Variants in DOCK1 observed in about 807,000 individuals in gnomAD.
DOCK1 encodes the protein dedicator of cytokinesis 1, also known as dedicator of cytokinesis protein 1.
DOCK1 carries 138 observed loss-of-function variants against 262.7 expected under a neutral mutation model. That is an observed-to-expected ratio of 0.53 (90% CI 0.46 to 0.61). The LOEUF (loss-of-function observed/expected upper bound fraction) is 0.61, where lower values mean the gene tolerates loss of function less well. Ranked by LOEUF, DOCK1 falls within the 20% of genes least tolerant of loss-of-function variation. The pLI, the probability that DOCK1 is intolerant of heterozygous loss-of-function variation, is 0.00. For missense variants in DOCK1, 1,908 were observed against 2,370.7 expected, an observed-to-expected ratio of 0.80 and a Z score of 4.05; for synonymous variants, 866 against 867.4, an observed-to-expected ratio of 1.00 and a Z score of 0.03.
intron 33 of DOCK1, among the ~76,000 whole-genome samples, chr10:127,370,391 C>T (rs2065143388): frequency 6.6e-6 from 1 of 152,144 alleles, no homozygotes; most frequent in Non-Finnish European, 1.5e-5. Context: ...ACCTTTCCAC[C>T]CTGGCCCAGC....
intron 23 of DOCK1, among the ~76,000 whole-genome samples, chr10:127,073,690 G>A (rs192267454): frequency 3.3e-4 from 50 of 152,294 alleles, no homozygotes; most frequent in Non-Finnish European, 5.7e-4. Context: ...CAGAACCATC[G>A]TTAACCTTCT....
At chr10:127,214,290 T>G (rs1038041855) in intron 27 of DOCK1, among the ~76,000 whole-genome samples, 11 of 152,212 alleles carry the variant, frequency 7.2e-5, no homozygotes, top group South Asian at 2.1e-4. Flanking sequence ...TGTGCACGTC[T>G]TCTTCTTTGT....
chr10:127,289,269 G>A (rs192392294), intron 29 of DOCK1, among the ~76,000 whole-genome samples: 18 of 152,242 alleles, frequency 1.2e-4, no homozygotes, highest in African/African-American at 2.9e-4. Flanking sequence ...GGAGACTGGC[G>A]TGTTGTAGTA....
chr10:127,054,763 A>C (rs1482374340), intron 22 of DOCK1, among the ~76,000 whole-genome samples: 1 of 152,130 alleles, frequency 6.6e-6, no homozygotes, highest in South Asian at 2.1e-4. Flanking sequence ...GAAAAATGTT[A>C]ATTTTGTGCA....
At chr10:127,317,421 T>C (rs964056133) in intron 29 of DOCK1, among the ~76,000 whole-genome samples, 1 of 152,252 alleles carries the variant, frequency 6.6e-6, no homozygotes, top group Non-Finnish European at 1.5e-5. Flanking sequence ...TTGTTTGCCA[T>C]ATTCATGCAG....
At chr10:127,342,400 A>C (rs2063473851) in intron 30 of DOCK1, among the ~76,000 whole-genome samples, 1 of 151,928 alleles carries the variant, frequency 6.6e-6, no homozygotes, top group African/African-American at 2.4e-5. Flanking sequence ...CCTGGCTCAG[A>C]CCCCCATTCT....
intron 1 of DOCK1, among the ~76,000 whole-genome samples, chr10:126,945,923 C>T (rs2035363711): frequency 6.6e-6 from 1 of 152,154 alleles, no homozygotes; most frequent in African/African-American, 2.4e-5. Flanking sequence ...AGCGTAACAA[C>T]TTGGAATGCT....
In DOCK1 at chr10:127,263,365, G is replaced by A. The variant is rs1467022852; in HGVS notation, c.3044+5936G>A. ...TGTATATATAGATTGCCTCTTACTA[G>A]ATTGGTGATATAACTTGTAAATCAA... is the stretch of plus-strand genomic sequence containing the variant. On this transcript the variant is annotated intron_variant, in intron 29 of 51. Coordinates refer to ENST00000623213, the MANE Select transcript of DOCK1 (RefSeq NM_001290223.2). Among the ~76,000 whole-genome samples the A allele has an allele frequency of 3.2e-4, 7 of 21,858 alleles. 1 individual carries two copies. The highest frequency in any genetic ancestry group is 1.2e-3 in the Admixed American group (3 of 2,452). The allele number at this position is 21,858 out of a possible 152,430, so 14.3% of individuals were successfully genotyped here.
intron 27 of DOCK1, among the ~76,000 whole-genome samples, chr10:127,197,265 C>CG (rs1295229572): frequency 6.6e-6 from 1 of 152,208 alleles, no homozygotes; most frequent in Admixed American, 6.5e-5. Context: ...GAGCACACAC[C>CG]ACCCGTCAGC....
intron 27 of DOCK1, among the ~76,000 whole-genome samples, chr10:127,245,277 G>A (rs1010859768): frequency 4.6e-5 from 7 of 152,200 alleles, no homozygotes; most frequent in Non-Finnish European, 1.0e-4. Flanking sequence ...CCTTAGAGCT[G>A]AAAAAGCAAG....
chr10:127,306,923 G>A (rs2061898874), intron 29 of DOCK1, among the ~76,000 whole-genome samples: 2 of 152,146 alleles, frequency 1.3e-5, no homozygotes, highest in South Asian at 4.1e-4. Context: ...TGTGCAAAGT[G>A]TACCCGTTAA....
At chr10:127,383,009 G>A (rs1054842885) in intron 37 of DOCK1, among the ~76,000 whole-genome samples, 6 of 152,080 alleles carry the variant, frequency 3.9e-5, no homozygotes, top group African/African-American at 1.4e-4. Context: ...GTTACATTTT[G>A]CAATTTTTTC....
rs1396554003 is a variant in DOCK1, at chr10:127,275,146, A to G, written c.3044+17717A>G. 2.6e-5 allele frequency among the ~76,000 whole-genome samples: 4 copies of G among 152,314 alleles called. No homozygotes were observed. In the East Asian group the frequency reaches 7.7e-4, roughly 29 times the overall value. On this transcript the variant is annotated intron_variant, in intron 29 of 51. Transcript: ENST00000623213. ...ACCTGGGGGGCAGTGTCTCTAGGGA[A>G]GAGAAGCCGACCCAGGCTAATGCCT...
intron 51 of DOCK1, among the ~76,000 whole-genome samples, chr10:127,448,802 G>GT (rs11430524): frequency 0.7 from 103,395 of 148,234 alleles, 37,430 homozygotes; most frequent in East Asian, 0.99. Context: ...GTGAGACATG[G>GT]TTTTTTTTTT....
At chr10:127,314,449 A>G (rs2062187329) in intron 29 of DOCK1, among the ~76,000 whole-genome samples, 1 of 152,098 alleles carries the variant, frequency 6.6e-6, no homozygotes, top group African/African-American at 2.4e-5. Flanking sequence ...TGCTGGGGAG[A>G]AGCCGGGACA....
chr10:127,251,371 AT>A (rs906190388), intron 28 of DOCK1, among the ~76,000 whole-genome samples: 8 of 150,688 alleles, frequency 5.3e-5, no homozygotes, highest in East Asian at 2.0e-4. Context: ...AACACTTTCC[AT>A]TTTTTTTTAA....
chr10:127,103,173 T>C (rs539483365), intron 23 of DOCK1, among the ~76,000 whole-genome samples: 2 of 152,324 alleles, frequency 1.3e-5, no homozygotes, highest in South Asian at 4.2e-4. Context: ...TGAATTCCCC[T>C]CTTGAAGGGA....
chr10:127,383,741 C>T (rs2065948430), intron 37 of DOCK1, among the ~76,000 whole-genome samples: 1 of 152,200 alleles, frequency 6.6e-6, no homozygotes, highest in African/African-American at 2.4e-5. Flanking sequence ...TTGCAGCACC[C>T]TCCCTGGCCT....
chr10:127,320,567 T>C (rs1254303786), intron 29 of DOCK1, among the ~76,000 whole-genome samples: 1 of 152,054 alleles, frequency 6.6e-6, no homozygotes, highest in Non-Finnish European at 1.5e-5. Context: ...GTGTGAGGAA[T>C]GGGCTCAAGG....
Sources: gnomAD v4.1 joint callset for allele counts (sites outside exome capture counted in the v4.1 genomes callset) on GRCh38, gnomAD v4.1.1 for gene constraint, MANE v1.5 for transcripts, NCBI Gene and HGNC (gene_info 2026-07-23, HGNC 2026-07-21) for gene names.